Variants in MEIKIN observed in about 807,000 individuals in gnomAD.
MEIKIN encodes meiosis-specific kinetochore protein.
intron 8 of MEIKIN, among the ~76,000 whole-genome samples, chr5:131,891,266 T>C (rs1020907382): frequency 9.2e-5 from 14 of 152,342 alleles, no homozygotes; most frequent in Non-Finnish European, 1.6e-4. Context: ...AATTCCTGTA[T>C]GTCCTTGTTA....
intron 5 of MEIKIN, among the ~76,000 whole-genome samples, chr5:131,932,951 C>T (rs974488998): frequency 6.6e-6 from 1 of 152,148 alleles, no homozygotes; most frequent in Admixed American, 6.5e-5. Flanking sequence ...CCTGATTAAC[C>T]TTCCAAACTT....
At chr5:131,928,229 T>A (rs888931712) in intron 5 of MEIKIN, among the ~76,000 whole-genome samples, 4 of 152,092 alleles carry the variant, frequency 2.6e-5, no homozygotes, top group African/African-American at 9.7e-5. Flanking sequence ...TCAGTCACTC[T>A]GTGTTTTGAT....
rs569838262 is a variant in MEIKIN, at chr5:131,848,902, G to A, written c.975+2362C>T. On this transcript the variant is annotated intron_variant, in intron 11 of 12. Transcript: ENST00000442687. Reference sequence around the variant, plus strand: ...AATCAATGTTTCTGCTTAATTTGGCGAGACTTAAAAAAAATCAATCACTGT... The same window carrying A: ...AATCAATGTTTCTGCTTAATTTGGCAAGACTTAAAAAAAATCAATCACTGT... Among the ~76,000 whole-genome samples the A allele has an allele frequency of 4.6e-5, 7 of 152,014 alleles. No homozygotes were observed. The South Asian group carries it at 6.2e-4, about 14-fold the overall frequency.
chr5:131,913,930 C>T (rs995366335), intron 7 of MEIKIN, among the ~76,000 whole-genome samples: 3 of 152,136 alleles, frequency 2.0e-5, no homozygotes, highest in South Asian at 2.1e-4. Flanking sequence ...TAATAGCCAA[C>T]GTGGTAGTAT....
At chr5:131,905,894 C>T (rs6875573) in intron 8 of MEIKIN, among the ~76,000 whole-genome samples, 6,059 of 152,136 alleles carry the variant, frequency 0.04, 366 homozygotes, top group African/African-American at 0.13. Flanking sequence ...GGATTAAAGA[C>T]GTATATCTAA....
intron 4 of MEIKIN, among the ~76,000 whole-genome samples, chr5:131,940,115 A>G (rs935459081): frequency 6.6e-6 from 1 of 152,244 alleles, no homozygotes; most frequent in Non-Finnish European, 1.5e-5. Flanking sequence ...GTCTTTTGAC[A>G]GAAGTATATA....
At chr5:131,944,425 T>C (rs1235360605) in intron 3 of MEIKIN, 1 of 342,966 alleles carries the variant, frequency 2.9e-6, no homozygotes, top group Non-Finnish European at 5.2e-6. Context: ...TCACCAATTA[T>C]GGACGTTTCT....
At chr5:131,845,148 T>C (rs1749990826) in intron 11 of MEIKIN, among the ~76,000 whole-genome samples, 1 of 151,726 alleles carries the variant, frequency 6.6e-6, no homozygotes, top group Non-Finnish European at 1.5e-5. Context: ...TGGGCACCTG[T>C]AGTCCCAGCT....
intron 5 of MEIKIN, among the ~76,000 whole-genome samples, chr5:131,925,035 G>A (rs1241924684): frequency 6.6e-6 from 1 of 152,064 alleles, no homozygotes; most frequent in Non-Finnish European, 1.5e-5. Context: ...TTTTGTATGT[G>A]GATATTCAGT....
At chr5:131,834,827 T>A (rs1445543486) in intron 11 of MEIKIN, among the ~76,000 whole-genome samples, 2 of 152,188 alleles carry the variant, frequency 1.3e-5, no homozygotes, top group African/African-American at 4.8e-5. Context: ...ATACACAAAG[T>A]TGAAATTACT....
At chr5:131,939,910 CTAAA>C (rs1476387402) in intron 4 of MEIKIN, among the ~76,000 whole-genome samples, 24 of 152,244 alleles carry the variant, frequency 1.6e-4, no homozygotes, top group African/African-American at 5.3e-4. Flanking sequence ...GGTATTTTCT[CTAAA>C]TAGAGTACAA....
intron 8 of MEIKIN, among the ~76,000 whole-genome samples, chr5:131,895,135 G>T (rs931281494): frequency 6.6e-6 from 1 of 152,148 alleles, no homozygotes; most frequent in Non-Finnish European, 1.5e-5. Flanking sequence ...TTCTGCATCT[G>T]TTGAGATAAT....
intron 9 of MEIKIN, among the ~76,000 whole-genome samples, chr5:131,858,097 T>C (rs1251970017): frequency 6.6e-6 from 1 of 152,158 alleles, no homozygotes; most frequent in Non-Finnish European, 1.5e-5. Context: ...GCCCCTCCAG[T>C]GCAGCGAGTT....
intron 11 of MEIKIN, among the ~76,000 whole-genome samples, chr5:131,842,719 T>G (rs1749937222): frequency 6.6e-6 from 1 of 152,240 alleles, no homozygotes; most frequent in African/African-American, 2.4e-5. Flanking sequence ...TAGAACATTC[T>G]ATTTTAAGCT....
intron 10 of MEIKIN, among the ~76,000 whole-genome samples, chr5:131,852,873 C>T (rs964130338): frequency 5.3e-5 from 3 of 56,878 alleles, no homozygotes; most frequent in Non-Finnish European, 1.2e-4. Flanking sequence ...AGTTTTGCCA[C>T]GAAAAAAATC....
chr5:131,814,902 C>T (rs1773072807), intron 12 of MEIKIN, among the ~76,000 whole-genome samples: 1 of 152,112 alleles, frequency 6.6e-6, no homozygotes, highest in Non-Finnish European at 1.5e-5. Context: ...CTGCTGAGGG[C>T]CCAACCAGTC....
At chr5:131,871,977 C>G (rs1277798235) in intron 9 of MEIKIN, among the ~76,000 whole-genome samples, 1 of 152,012 alleles carries the variant, frequency 6.6e-6, no homozygotes, top group Non-Finnish European at 1.5e-5. Flanking sequence ...GGAAGGACAT[C>G]CACCCCAAAA....
intron 11 of MEIKIN, among the ~76,000 whole-genome samples, chr5:131,828,006 T>C (rs1196018136): frequency 3.3e-5 from 5 of 150,274 alleles, no homozygotes; most frequent in Non-Finnish European, 5.9e-5. Context: ...GCCACCGCAC[T>C]CCAGCCTGGG....
intron 8 of MEIKIN, among the ~76,000 whole-genome samples, chr5:131,885,923 G>A (rs1278115355): frequency 6.6e-6 from 1 of 152,098 alleles, no homozygotes; most frequent in Non-Finnish European, 1.5e-5. Context: ...ATAACACAGA[G>A]AAGAAATTCA....
Sources: allele counts gnomAD v4.1 joint callset (sites outside exome capture counted in the v4.1 genomes callset), GRCh38; gene constraint gnomAD v4.1.1; transcripts MANE v1.5; gene names NCBI Gene and HGNC (gene_info 2026-07-23, HGNC 2026-07-21).